PATJ: variants seen among roughly 807,000 people sequenced by gnomAD.
The protein encoded by PATJ is PATJ crumbs cell polarity complex component.
PATJ carries 190 observed loss-of-function variants against 224.9 expected under a neutral mutation model. The observed-to-expected ratio is 0.84, with a 90% CI of 0.75 to 0.95. The LOEUF is 0.95. PATJ is among the 40% of genes least tolerant of loss of function. The pLI, the probability that PATJ is intolerant of heterozygous loss-of-function variation, is 0.00. For synonymous variants in PATJ, 769 were observed against 820.3 expected (o/e 0.94, Z 1.07); for missense variants, 2,121 against 2,270.3 (o/e 0.93, Z 1.34).
At chr1:61,768,472 AAAATAAATAAAT>A (rs141005824) in intron 4 of PATJ, among the ~76,000 whole-genome samples, 1 of 149,306 alleles carries the variant, frequency 6.7e-6, no homozygotes, top group South Asian at 2.1e-4. Context: ...TCCGTCTCAA[AAAATAAATAAAT>A]AAATAAATAA....
chr1:62,064,209 G>A (rs564493215), intron 31 of PATJ, among the ~76,000 whole-genome samples: 4 of 152,206 alleles, frequency 2.6e-5, no homozygotes, highest in Admixed American at 2.6e-4. Flanking sequence ...TATCATGAAG[G>A]TATGTTGGAT....
At position 61,801,759 on chromosome 1, in the gene PATJ, A is replaced by C. The variant is rs770906275; in HGVS notation, c.1539A>C (p.Leu513Phe). 1 of 1,582,690 alleles carries C rather than the reference A, an allele frequency of 6.3e-7. No homozygotes were observed. The highest frequency in any genetic ancestry group is 8.6e-7 in the Non-Finnish European group (1 of 1,164,854). ...TAAAAAATGACAACATACAAGCCTT[A>C]GAAAAATTGGGTAGGCACAAAGCAT... ...DTLKNDNIQA[L>F]EKLEKVPDSP... Residue 513 changes from leucine (L) to phenylalanine (F), a missense_variant, in exon 12 of 44, where the codon TTA becomes TTC. Coordinates refer to ENST00000642238, the MANE Select transcript of PATJ (RefSeq NM_001350145.3).
chr1:61,751,821 GT>G (rs1435330853), intron 1 of PATJ, among the ~76,000 whole-genome samples: 1 of 150,180 alleles, frequency 6.7e-6, no homozygotes, highest in Non-Finnish European at 1.5e-5. Context: ...GTGAGACCCT[GT>G]CTCAAAAAAA....
chr1:61,775,383 G>A (rs1304073606), intron 7 of PATJ, 49 bp downstream of exon 7: 2 of 1,530,018 alleles, frequency 1.3e-6, no homozygotes, highest in Non-Finnish European at 1.8e-6. Context: ...AATTTAAGTT[G>A]TATGAATTGA....
chr1:61,923,092 C>G (rs1389230508), intron 26 of PATJ, among the ~76,000 whole-genome samples: 3 of 152,166 alleles, frequency 2.0e-5, no homozygotes, highest in Non-Finnish European at 2.9e-5. Flanking sequence ...CAGTAAAAAC[C>G]CCAGTAGGAG....
chr1:61,864,643 T>A lies in PATJ; in HGVS notation c.2835+10T>A. 1 of 1,574,664 alleles carries A rather than the reference T, an allele frequency of 6.4e-7. No homozygotes were observed. Among genetic ancestry groups the A allele is most frequent in the South Asian group, 1.1e-5 (1 of 89,196 alleles). On this transcript the variant is annotated intron_variant, in intron 20 of 43. Transcript: ENST00000642238. ...TTGCCCTGAAAATGTGGTAAGAGAT[T>A]AGAATAGATATTCCACACCTCCCCT...
chr1:62,139,616 G>A (rs1667297255), intron 41 of PATJ, among the ~76,000 whole-genome samples: 1 of 152,040 alleles, frequency 6.6e-6, no homozygotes, highest in Non-Finnish European at 1.5e-5. Flanking sequence ...ACACCCTTTG[G>A]AGATCAGATT....
chr1:62,035,096 T>G (rs553074348), intron 29 of PATJ, among the ~76,000 whole-genome samples: 1 of 152,320 alleles, frequency 6.6e-6, no homozygotes, highest in East Asian at 1.9e-4. Flanking sequence ...GAATTATGAC[T>G]GGGAAAATAC....
At chr1:61,977,983 A>G (rs891792760) in intron 27 of PATJ, among the ~76,000 whole-genome samples, 3 of 151,958 alleles carry the variant, frequency 2.0e-5, no homozygotes, top group Non-Finnish European at 4.4e-5. Context: ...GTATTTTCAC[A>G]AAGAACATAT....
At chr1:62,140,349 G>GA (rs1667374020) in intron 41 of PATJ, among the ~76,000 whole-genome samples, 1 of 152,080 alleles carries the variant, frequency 6.6e-6, no homozygotes, top group South Asian at 2.1e-4. Flanking sequence ...TTTGCAGCTA[G>GA]ACTTTTTAAA....
At chr1:61,859,239 A>T (rs930398088) in intron 18 of PATJ, among the ~76,000 whole-genome samples, 2 of 152,088 alleles carry the variant, frequency 1.3e-5, no homozygotes, top group African/African-American at 4.8e-5. Flanking sequence ...CTGGGTGTGG[A>T]TCCTCATGCT....
chr1:61,971,633 A>G (rs1221338199), intron 27 of PATJ, among the ~76,000 whole-genome samples: 2 of 152,146 alleles, frequency 1.3e-5, no homozygotes, highest in African/African-American at 2.4e-5. Flanking sequence ...AGAAAAAAGA[A>G]AAAACAGCAT....
intron 31 of PATJ, among the ~76,000 whole-genome samples, chr1:62,059,110 G>A (rs1349558006): frequency 3.9e-5 from 6 of 152,018 alleles, no homozygotes; most frequent in Non-Finnish European, 5.9e-5. Context: ...AGGTCCTCAC[G>A]TCTGCATTCC....
At chr1:61,900,958 G>T (rs1671076100) in intron 23 of PATJ, among the ~76,000 whole-genome samples, 1 of 152,052 alleles carries the variant, frequency 6.6e-6, no homozygotes, top group African/African-American at 2.4e-5. Context: ...CTAATGTTAT[G>T]GATACAAATG....
Position 61,945,993 on chromosome 1 carries a change from A to G in PATJ, c.3670+18164A>G, listed in dbSNP as rs573643892. On this transcript the variant is annotated intron_variant, in intron 27 of 43. Transcript: ENST00000642238. ...TGGGTACATAATGAAATGAAGGCAG[A>G]AATAAAGATGTTCTTTGAAACCAAT... 2.0e-5 allele frequency among the ~76,000 whole-genome samples: 3 copies of G among 152,364 alleles called. No homozygotes were observed. The East Asian group carries it at 5.8e-4, about 29-fold the overall frequency.
intron 38 of PATJ, among the ~76,000 whole-genome samples, chr1:62,122,363 TAAAA>T (rs58555932): frequency 7.4e-5 from 6 of 81,552 alleles, no homozygotes; most frequent in Non-Finnish European, 1.0e-4. Flanking sequence ...AGACTCCATC[TAAAA>T]AAAAAAAAAA....
intron 20 of PATJ, among the ~76,000 whole-genome samples, chr1:61,874,729 G>A (rs1381921775): frequency 6.6e-6 from 1 of 152,206 alleles, no homozygotes; most frequent in Non-Finnish European, 1.5e-5. Context: ...GGAGGAAAAT[G>A]CAGTTAAGTT....
At chr1:61,932,254 A>G (rs1238801771) in intron 27 of PATJ, among the ~76,000 whole-genome samples, 1 of 152,174 alleles carries the variant, frequency 6.6e-6, no homozygotes, top group Non-Finnish European at 1.5e-5. Context: ...ATTAGTTTCC[A>G]GGTGATGCTG....
chr1:61,963,928 G>A (rs1681690518), intron 27 of PATJ, among the ~76,000 whole-genome samples: 3 of 152,100 alleles, frequency 2.0e-5, no homozygotes, highest in Admixed American at 6.5e-5. Flanking sequence ...GGCCTATATA[G>A]TATTTTGATT....
Sources: gnomAD v4.1 joint callset for allele counts (sites outside exome capture counted in the v4.1 genomes callset) on GRCh38, gnomAD v4.1.1 for gene constraint, MANE v1.5 for transcripts, NCBI Gene and HGNC (gene_info 2026-07-23, HGNC 2026-07-21) for gene names.